FASTKD1: variants seen among roughly 807,000 people sequenced by gnomAD.
The protein encoded by FASTKD1 is FAST kinase domain-containing protein 1, mitochondrial.
In FASTKD1, 94 loss-of-function variants were observed where a neutral mutation model predicts 90.9. The observed-to-expected ratio is 1.03, with a 90% CI of 0.88 to 1.23. The LOEUF (loss-of-function observed/expected upper bound fraction) is 1.23, where lower values mean the gene tolerates loss of function less well. Among genes scored for constraint, FASTKD1 ranks in the 50% most tolerant of loss-of-function variants. The pLI is 0.00. For missense variants in FASTKD1, 945 were observed against 993.5 expected (o/e 0.95, Z 0.66); for synonymous variants, 319 against 345.8 (o/e 0.92, Z 0.86).
At chr2:169,557,582 G>A (rs1258591251) in intron 5 of FASTKD1, among the ~76,000 whole-genome samples, 1 of 152,048 alleles carries the variant, frequency 6.6e-6, no homozygotes, top group African/African-American at 2.4e-5. Context: ...AATAATACAA[G>A]GTTATAATGG....
intron 3 of FASTKD1, 33 bp downstream of exon 3, chr2:169,569,151 C>T (rs1246504172): frequency 6.3e-7 from 1 of 1,579,072 alleles, no homozygotes; most frequent in South Asian, 1.1e-5. Context: ...AAAAGAATAA[C>T]CCTGATCTTC....
intron 9 of FASTKD1, among the ~76,000 whole-genome samples, chr2:169,540,397 G>A (rs1223184851): frequency 6.6e-6 from 1 of 152,128 alleles, no homozygotes; most frequent in Non-Finnish European, 1.5e-5. Context: ...GTGATAATAC[G>A]CTGTGTCTTG....
intron 3 of FASTKD1, among the ~76,000 whole-genome samples, chr2:169,566,688 G>T (rs937806934): frequency 6.6e-6 from 1 of 151,910 alleles, no homozygotes; most frequent in Admixed American, 6.6e-5. Context: ...CTCCACCCTG[G>T]GTAACAGAGC....
chr2:169,558,460 G>C (rs1418765191), intron 5 of FASTKD1, among the ~76,000 whole-genome samples: 1 of 149,866 alleles, frequency 6.7e-6, no homozygotes, highest in Non-Finnish European at 1.5e-5. Context: ...TTTTTTGTTT[G>C]TTTTTTGAGA....
chr2:169,533,241 ATTG>A (rs746678451), intron 12 of FASTKD1, among the ~76,000 whole-genome samples: 12 of 152,194 alleles, frequency 7.9e-5, no homozygotes, highest in South Asian at 2.1e-4. Context: ...TAAAGATGAT[ATTG>A]TTGTTATGTT....
intron 7 of FASTKD1, among the ~76,000 whole-genome samples, 174 bp from the exon 8 acceptor site, chr2:169,546,878 C>G (rs1685231707): frequency 1.3e-5 from 2 of 152,152 alleles, no homozygotes; most frequent in South Asian, 4.1e-4. Flanking sequence ...CCACAGAAGA[C>G]TTCTGTGACC....
chr2:169,549,343 C>T (rs1034482428), intron 7 of FASTKD1, among the ~76,000 whole-genome samples: 6 of 151,820 alleles, frequency 4.0e-5, no homozygotes, highest in Non-Finnish European at 7.4e-5. Flanking sequence ...GCGGAGGTTG[C>T]GGTGAGCCGA....
At chr2:169,559,202 A>G (rs2105404944) in intron 5 of FASTKD1, among the ~76,000 whole-genome samples, 1 of 151,368 alleles carries the variant, frequency 6.6e-6, no homozygotes, top group East Asian at 2.0e-4. Flanking sequence ...TGAACTCCCG[A>G]CCTCAGGTGA....
At position 169,557,164 on chromosome 2, in the gene FASTKD1, G is replaced by T. The variant is rs7564516; in HGVS notation, c.1082+23C>A. The stretch of plus-strand genomic sequence containing the variant: ...GCTTGTGAATGACAACAAACTTAAC[G>T]TCGTAAATTTCAGAAAAGATACCTT... On this transcript the variant is annotated intron_variant, in intron 6 of 14. Transcript: ENST00000453153. 4.3e-5 allele frequency: 62 copies of T among 1,438,314 alleles called. No homozygotes were observed. In the African/African-American group the frequency reaches 7.6e-4, roughly 18 times the overall value. 89.1% of individuals were successfully genotyped at this position (1,438,314 alleles called of 1,614,324 possible).
rs184735144 is a variant in FASTKD1, at chr2:169,546,864, T to A, written c.1215-160A>T. Among the ~76,000 whole-genome samples, 4 of 152,284 alleles carry A rather than the reference T, an allele frequency of 2.6e-5. No homozygotes were observed. The East Asian group carries it at 5.8e-4, about 22-fold the overall frequency. On this transcript the variant is annotated intron_variant, in intron 7 of 14. Coordinates refer to ENST00000453153, the MANE Select transcript of FASTKD1 (RefSeq NM_024622.6). Reference sequence around the variant, plus strand: ...CTCTAATCTCAAACCACAACAATCATCAACCACAGAAGACTTCTGTGACCA... The same window carrying A: ...CTCTAATCTCAAACCACAACAATCAACAACCACAGAAGACTTCTGTGACCA...
chr2:169,565,481 C>T (rs1398105766), intron 3 of FASTKD1, among the ~76,000 whole-genome samples: 1 of 151,718 alleles, frequency 6.6e-6, no homozygotes, highest in Non-Finnish European at 1.5e-5. Context: ...CCAGGATGGT[C>T]TCGATCTCCT....
At chr2:169,551,113 G>A (rs1226976175) in intron 7 of FASTKD1, among the ~76,000 whole-genome samples, 1 of 152,096 alleles carries the variant, frequency 6.6e-6, no homozygotes, top group Non-Finnish European at 1.5e-5. Flanking sequence ...CTGGGTTATA[G>A]GGGAAAAAAA....
At chr2:169,534,463 CTTT>C (rs1210482307) in intron 12 of FASTKD1, among the ~76,000 whole-genome samples, 2 of 110,666 alleles carry the variant, frequency 1.8e-5, no homozygotes, top group Non-Finnish European at 1.8e-5. Flanking sequence ...TTTTTTTTTT[CTTT>C]TTTTTTTTTT....
chr2:169,550,975 A>G (rs994307747), intron 7 of FASTKD1, among the ~76,000 whole-genome samples: 1 of 152,002 alleles, frequency 6.6e-6, no homozygotes, highest in Non-Finnish European at 1.5e-5. Context: ...AATTTCTCCA[A>G]CCTCCACTTG....
At chr2:169,535,591 T>C (rs1262558207) in intron 12 of FASTKD1, among the ~76,000 whole-genome samples, 1 of 152,168 alleles carries the variant, frequency 6.6e-6, no homozygotes, top group African/African-American at 2.4e-5. Context: ...TGTATGAGCA[T>C]GAGCCACTGT....
At chr2:169,544,496 A>G (rs1005983640) in intron 9 of FASTKD1, among the ~76,000 whole-genome samples, 3 of 152,156 alleles carry the variant, frequency 2.0e-5, no homozygotes, top group Admixed American at 1.3e-4. Context: ...ACTTGAACCC[A>G]GGAGACAGAG....
chr2:169,560,915 T>A lies in FASTKD1; in HGVS notation c.573-130A>T. 4 of 661,062 alleles carry A rather than the reference T, an allele frequency of 6.1e-6. No homozygotes were observed. The South Asian group carries it at 9.0e-5, about 15-fold the overall frequency. 40.9% of individuals were successfully genotyped at this position (661,062 alleles called of 1,614,324 possible). On this transcript the variant is annotated intron_variant, in intron 4 of 14. Transcript: ENST00000453153. ...CAGGGCTGGTCTCAAACTCCTGGGC[T>A]TAAGCAATCCTCCCACCTCAGCCTC...
chr2:169,573,141 T>G (rs1322943540), intron 1 of FASTKD1: 2 of 152,180 alleles, frequency 1.3e-5, no homozygotes, highest in East Asian at 1.9e-4. Context: ...AAATCAACGC[T>G]GTATCACTAA....
chr2:169,545,983 G>A (rs1685173299), intron 8 of FASTKD1, among the ~76,000 whole-genome samples: 1 of 152,144 alleles, frequency 6.6e-6, no homozygotes, highest in Non-Finnish European at 1.5e-5. Context: ...ACACAGGCTG[G>A]AGTGCAGTGG....
Sources: gnomAD v4.1 joint callset for allele counts (sites outside exome capture counted in the v4.1 genomes callset) on GRCh38, gnomAD v4.1.1 for gene constraint, MANE v1.5 for transcripts, NCBI Gene and HGNC (gene_info 2026-07-23, HGNC 2026-07-21) for gene names.